RNASEH2B: variants seen among roughly 807,000 people sequenced by gnomAD.
RNASEH2B encodes the protein Aicardi-Goutieres syndrome 2 protein.
A neutral mutation model predicts 45.0 loss-of-function variants in RNASEH2B; 36 were observed. The observed-to-expected ratio is 0.80, with a 90% CI of 0.61 to 1.06. RNASEH2B has a LOEUF of 1.06. RNASEH2B is among the 50% of genes least tolerant of loss of function. RNASEH2B has a pLI of 0.00. For synonymous variants in RNASEH2B, 119 were observed against 125.7 expected (o/e 0.95, Z 0.35); for missense variants, 361 against 360.3 (o/e 1.00, Z -0.02).
rs1405009040 is a variant in RNASEH2B at position 50,945,048 on chromosome 13, G to A, written c.511-379G>A. Among the ~76,000 whole-genome samples the A allele has an allele frequency of 3.3e-5, 5 of 152,118 alleles. No individual in the cohort carries two copies. In the East Asian group the frequency reaches 9.6e-4, roughly 29 times the overall value. On this transcript the variant is annotated intron_variant, in intron 6 of 10. Transcript: ENST00000336617. ...ATTACCTCATTTAATTTTCACAGTA[G>A]TCTTATGAGGTGAATGCTATTTTTT...
chr13:50,917,377 TTGAC>T (rs954954416), intron 1 of RNASEH2B, among the ~76,000 whole-genome samples: 3 of 152,200 alleles, frequency 2.0e-5, no homozygotes, highest in African/African-American at 7.2e-5. Context: ...GGTAGTCTGT[TTGAC>T]TGGCTTGTAT....
At chr13:50,945,287 G>C (rs1299691432) in intron 6 of RNASEH2B, 140 bp from the exon 7 acceptor site, 3 of 663,036 alleles carry the variant, frequency 4.5e-6, no homozygotes, top group Non-Finnish European at 5.6e-6. Context: ...CTCATCTTCT[G>C]GTGTCTGGTG....
chr13:50,957,509 C>A (rs548686763), downstream of RNASEH2B, among the ~76,000 whole-genome samples: 1 of 152,224 alleles, frequency 6.6e-6, no homozygotes, highest in South Asian at 2.1e-4. Context: ...TGTTGATGGG[C>A]TCCTGGGTTG....
Position 50,915,172 on chromosome 13 carries a change from G to A in RNASEH2B, c.64+5032G>A, listed in dbSNP as rs376050582. On this transcript the variant is annotated intron_variant, in intron 1 of 10. Transcript: ENST00000336617. Reference sequence around the variant, plus strand: ...GTAGATATTTCAATAAATATTTACTGAACGAATAAAAGTCTCACATTCCAT... The same window carrying A: ...GTAGATATTTCAATAAATATTTACTAAACGAATAAAAGTCTCACATTCCAT... The A allele has an allele frequency of 1.8e-4, 63 of 354,142 alleles. No individual in the cohort carries two copies. In the South Asian group the frequency reaches 8.7e-3, roughly 49 times the overall value. The allele number at this position is 354,142 out of a possible 1,614,324, so 21.9% of individuals were successfully genotyped here.
intron 9 of RNASEH2B, among the ~76,000 whole-genome samples, chr13:50,967,788 C>A (rs1952180326): frequency 6.6e-6 from 1 of 152,180 alleles, no homozygotes; most frequent in South Asian, 2.1e-4. Flanking sequence ...TACATATTTT[C>A]TCCCAAACAC....
intron 2 of RNASEH2B, among the ~76,000 whole-genome samples, chr13:50,928,022 T>C (rs1951623068): frequency 1.3e-5 from 2 of 152,090 alleles, no homozygotes; most frequent in African/African-American, 4.8e-5. Flanking sequence ...GCATTGTTTA[T>C]TGAAGGGATT....
intron 9 of RNASEH2B, among the ~76,000 whole-genome samples, chr13:50,961,866 G>C (rs1385286162): frequency 3.3e-5 from 5 of 151,992 alleles, no homozygotes; most frequent in Admixed American, 6.5e-5. Context: ...GTTTCCTTCT[G>C]TTCCTAGTTC....
At chr13:50,954,026 G>A (rs1449637267) in intron 10 of RNASEH2B, 41 bp downstream of exon 10, 1 of 1,175,428 alleles carries the variant, frequency 8.5e-7, no homozygotes, top group Non-Finnish European at 1.3e-6. Flanking sequence ...TTCATACTCA[G>A]TGCGTGATGT....
intron 9 of RNASEH2B, chr13:50,953,521 G>C (rs1018284740): frequency 4.3e-6 from 1 of 233,578 alleles, no homozygotes; most frequent in African/African-American, 2.3e-5. Context: ...AGGGATTCTG[G>C]CTGGACACCT....
At chr13:50,957,686 A>G (rs183711879), downstream of RNASEH2B, among the ~76,000 whole-genome samples, 1 of 152,264 alleles carries the variant, frequency 6.6e-6, no homozygotes, top group East Asian at 1.9e-4. Context: ...GAATTCTTCA[A>G]ACTGCTTTCC....
chr13:50,941,302 C>T (rs981159315), intron 5 of RNASEH2B: 3 of 152,206 alleles, frequency 2.0e-5, no homozygotes, highest in Non-Finnish European at 4.4e-5. Context: ...GCTTTGAGCA[C>T]GAGGCGGCTT....
intron 1 of RNASEH2B, chr13:50,911,174 C>G (rs1377726640): frequency 1.3e-5 from 2 of 152,200 alleles, no homozygotes; most frequent in South Asian, 2.1e-4. Context: ...CATGCCTGTT[C>G]CTAGATAGCC....
intron 8 of RNASEH2B, 45 bp downstream of exon 8, chr13:50,948,113 C>G (rs1951929159): frequency 1.2e-6 from 2 of 1,604,902 alleles, no homozygotes; most frequent in Non-Finnish European, 1.7e-6. Context: ...CCATTTGCTT[C>G]TTGGTTTCCC....
intron 1 of RNASEH2B, chr13:50,910,550 C>G (rs746107818): frequency 1.2e-5 from 2 of 164,750 alleles, no homozygotes; most frequent in African/African-American, 4.8e-5. Flanking sequence ...CTCGAAGTGG[C>G]CTCAGACGGT....
At chr13:50,941,666 C>A (rs1310143820) in intron 5 of RNASEH2B, 1 of 152,106 alleles carries the variant, frequency 6.6e-6, no homozygotes, top group African/African-American at 2.4e-5. Context: ...TCTTAAAATT[C>A]CCCTGGTTTG....
chr13:50,944,451 C>T (rs926425596), intron 6 of RNASEH2B, among the ~76,000 whole-genome samples: 1 of 150,626 alleles, frequency 6.6e-6, no homozygotes, highest in Non-Finnish European at 1.5e-5. Context: ...GGGGCTGTTT[C>T]GGGGGTTAGG....
At chr13:50,955,742 G>A (rs1449531562) in intron 10 of RNASEH2B, 4 of 152,230 alleles carry the variant, frequency 2.6e-5, no homozygotes, top group Admixed American at 2.0e-4. Context: ...CCTTCTGCAA[G>A]TGCTTTATAT....
At chr13:50,938,197 G>A (rs1202108201) in intron 5 of RNASEH2B, 1 of 152,112 alleles carries the variant, frequency 6.6e-6, no homozygotes, top group African/African-American at 2.4e-5. Context: ...ACATTCTAGT[G>A]CTAAATGTAA....
intron 1 of RNASEH2B, among the ~76,000 whole-genome samples, chr13:50,921,515 C>G (rs1245855641): frequency 6.6e-6 from 1 of 152,182 alleles, no homozygotes; most frequent in East Asian, 1.9e-4. Flanking sequence ...GGGTGAGAGG[C>G]TGGTCCATGA....
Sources: allele counts gnomAD v4.1 joint callset (sites outside exome capture counted in the v4.1 genomes callset), GRCh38; gene constraint gnomAD v4.1.1; transcripts MANE v1.5; gene names NCBI Gene and HGNC (gene_info 2026-07-23, HGNC 2026-07-21).